MVB12B: variants seen among roughly 807,000 people sequenced by gnomAD.
The protein encoded by MVB12B is multivesicular body subunit 12B.
In MVB12B, 16 loss-of-function variants were observed where a neutral mutation model predicts 41.6. The observed-to-expected ratio is 0.38, with a 90% CI of 0.26 to 0.58. The LOEUF is 0.58. Among genes scored for constraint, MVB12B ranks in the 20% least tolerant of loss-of-function variants. MVB12B has a pLI of 0.62. For missense variants in MVB12B, 274 were observed against 380.2 expected, an observed-to-expected ratio of 0.72 and a Z score of 2.32; for synonymous variants, 133 against 139.7, an observed-to-expected ratio of 0.95 and a Z score of 0.34.
rs200403025 is a variant in MVB12B, at chr9:126,418,564, G to A, written c.663-3290G>A. 1.1e-4 allele frequency among the ~76,000 whole-genome samples: 16 copies of A among 152,184 alleles called. No homozygotes were observed. In the East Asian group the frequency reaches 2.7e-3, roughly 26 times the overall value. ...TTTATTTCCTCACTCTCCCACAGAC[G>A]GGCAAGCTTTTGAAATTGTAAATTG... On this transcript the variant is annotated intron_variant, in intron 6 of 9. Coordinates refer to ENST00000361171, the MANE Select transcript of MVB12B (RefSeq NM_033446.3).
intron 7 of MVB12B, chr9:126,426,848 A>C (rs755412075): frequency 6.6e-6 from 1 of 152,486 alleles, no homozygotes; most frequent in Non-Finnish European, 1.5e-5. Flanking sequence ...CTATTCTCTT[A>C]AGCCCGAAGA....
rs1158805714 is a variant in MVB12B at position 126,386,635 on chromosome 9, C to G, written c.386C>G (p.Pro129Arg). The G allele has an allele frequency of 5.0e-6, 8 of 1,613,574 alleles. No homozygotes were observed. In the Admixed American group the frequency reaches 6.7e-5, roughly 13 times the overall value. The part of the protein sequence containing the change: ...IKDTLPVGFI[P>R]IQETVDTQEV... ...GACACACTGCCTGTGGGCTTCATCC[C>G]AATTCAGGAGACGGTGGACACACGT... The change falls in exon 4 of 10, where the codon CCA (proline) becomes CGA (arginine). Residue 129 changes from proline to arginine, a missense_variant. By Grantham distance (103) the Pro-to-Arg change is moderately radical. Transcript: ENST00000361171. The surrounding 1 kb of genome is among the most constrained non-coding windows in gnomAD (Gnocchi z 4.3).
chr9:126,360,899 G>T (rs1830013025), intron 2 of MVB12B, among the ~76,000 whole-genome samples: 2 of 152,096 alleles, frequency 1.3e-5, no homozygotes, highest in South Asian at 4.2e-4. Context: ...AGCCACTACA[G>T]CTTTCTTTTG....
At chr9:126,385,284 T>G (rs995640602) in intron 3 of MVB12B, among the ~76,000 whole-genome samples, 1 of 152,206 alleles carries the variant, frequency 6.6e-6, no homozygotes, top group Non-Finnish European at 1.5e-5. Context: ...AGTTTTGGTC[T>G]TCATGGTTCT....
At chr9:126,366,248 C>T (rs943868212) in intron 2 of MVB12B, among the ~76,000 whole-genome samples, 1 of 152,072 alleles carries the variant, frequency 6.6e-6, no homozygotes, top group Non-Finnish European at 1.5e-5. Context: ...CCACTCACCC[C>T]TCAATTCCTA....
intron 9 of MVB12B, among the ~76,000 whole-genome samples, chr9:126,488,884 C>T (rs887638785): frequency 6.6e-6 from 1 of 152,186 alleles, no homozygotes; most frequent in Non-Finnish European, 1.5e-5. Flanking sequence ...GACGGTCACC[C>T]TCCAACAAAC....
chr9:126,497,030 G>A (rs1017110053), intron 9 of MVB12B, among the ~76,000 whole-genome samples: 1 of 152,214 alleles, frequency 6.6e-6, no homozygotes, highest in South Asian at 2.1e-4. Context: ...ATGCGGACTA[G>A]TAGAGAGGAA....
In MVB12B at chr9:126,503,968, A is replaced by G. The variant is rs1588220102; in HGVS notation, c.*705A>G. 6.6e-6 allele frequency: 1 copy of G among 152,154 alleles called. No individual in the cohort carries two copies. The highest frequency in any genetic ancestry group is 1.5e-5 in the Non-Finnish European group (1 of 68,106). 9.4% of individuals were successfully genotyped at this position (152,154 alleles called of 1,614,324 possible). A position where few individuals can be genotyped will look rare whatever the true frequency, so the allele number is the denominator to read the frequency against. On this transcript the variant is annotated 3_prime_UTR_variant, in exon 10 of 10. Transcript: ENST00000361171. ...GTTGACGGCCCTGCTTGGATCCACC[A>G]CCAGGACGCTGTGCTCGGCCATGGC...
chr9:126,392,742 A>G lies in MVB12B; in HGVS notation c.539+547A>G, dbSNP rs2118999695. ...AGGTGACACTTGAGCAGAGACCTGA[A>G]TGTCAGGAAACCAGCCATGCACAGA... is the stretch of plus-strand genomic sequence containing the variant. On this transcript the variant is annotated intron_variant, in intron 5 of 9. Transcript: ENST00000361171. This position sits in a 1 kb window ranked among gnomAD's most constrained non-coding sequence, Gnocchi z 4.8. Among the ~76,000 whole-genome samples, 1 of 152,350 alleles carries G rather than the reference A, an allele frequency of 6.6e-6. No individual in the cohort carries two copies. The highest frequency in any genetic ancestry group is 3.4e-3 in the Middle Eastern group (1 of 294).
At chr9:126,398,035 C>A (rs1309873815) in intron 6 of MVB12B, among the ~76,000 whole-genome samples, 2 of 152,026 alleles carry the variant, frequency 1.3e-5, no homozygotes, top group African/African-American at 4.8e-5. Context: ...AGCCAGAGCC[C>A]CAGACATTAA....
chr9:126,474,215 G>A (rs893774308), intron 7 of MVB12B, among the ~76,000 whole-genome samples: 17 of 152,306 alleles, frequency 1.1e-4, no homozygotes, highest in African/African-American at 3.9e-4. Flanking sequence ...CCTCCATCCA[G>A]CTCCTCGAAC....
chr9:126,407,193 T>C (rs1288935660), intron 6 of MVB12B, among the ~76,000 whole-genome samples: 2 of 152,214 alleles, frequency 1.3e-5, no homozygotes, highest in African/African-American at 2.4e-5. Context: ...GTCTCACTTA[T>C]TGGTACAGCA....
Position 126,467,585 on chromosome 9 carries a change from CAGTAT to C in MVB12B, c.758-13782_758-13778del, listed in dbSNP as rs568853618. Among the ~76,000 whole-genome samples, 7 of 152,296 alleles carry C rather than the reference CAGTAT, an allele frequency of 4.6e-5. No homozygotes were observed. The East Asian group carries it at 1.2e-3, about 25-fold the overall frequency. The stretch of plus-strand genomic sequence containing the variant: ...GATTTTTATAACTCTGCCATTTCTC[CAGTAT>C]ATAAGGAAGAGGTTTCCCTTATCCT... On this transcript the variant is annotated intron_variant, in intron 7 of 9. Coordinates refer to ENST00000361171, the MANE Select transcript of MVB12B (RefSeq NM_033446.3).
In MVB12B at chr9:126,486,801, A is replaced by C. The variant is rs1316455249; in HGVS notation, c.873+2769A>C. Among the ~76,000 whole-genome samples the C allele has an allele frequency of 6.6e-6, 1 of 152,086 alleles. No individual in the cohort carries two copies. Among genetic ancestry groups the C allele is most frequent in the African/African-American group, 2.4e-5 (1 of 41,404 alleles). On this transcript the variant is annotated intron_variant, in intron 9 of 9. Coordinates refer to ENST00000361171, the MANE Select transcript of MVB12B (RefSeq NM_033446.3). The surrounding 1 kb of genome is among the most constrained non-coding windows in gnomAD (Gnocchi z 4.7). ...GTGGAGACCCAGTGTGTCGTGCTCC[A>C]AGTCCTCCCCACTGTGACGGAAAGT...
intron 2 of MVB12B, among the ~76,000 whole-genome samples, chr9:126,345,388 C>A (rs769018375): frequency 1.3e-5 from 2 of 152,360 alleles, no homozygotes; most frequent in Non-Finnish European, 2.9e-5. Context: ...GGCAAAGTAA[C>A]CCTGAAGTGA....
In MVB12B at chr9:126,503,229, G is replaced by A; in HGVS notation, c.926G>A (p.Ser309Asn). 6.4e-7 allele frequency: 1 copy of A among 1,550,552 alleles called. No individual in the cohort carries two copies. Among genetic ancestry groups the A allele is most frequent in the Non-Finnish European group, 8.7e-7 (1 of 1,146,966 alleles). ...EQSAAARLPPSPTRCQQIPQS is the reference protein window; with the variant it reads ...EQSAAARLPPNPTRCQQIPQS The stretch of plus-strand genomic sequence containing the variant: ...AGCGCAGCCGCCAGGCTCCCGCCCA[G>A]CCCCACCAGGTGTCAGCAGATCCCG... The change falls in exon 10 of 10, where the codon AGC becomes AAC. Residue 309 changes from serine to asparagine, a missense_variant. Transcript: ENST00000361171.
intron 1 of MVB12B, among the ~76,000 whole-genome samples, chr9:126,329,885 C>T (rs1008102830): frequency 1.3e-5 from 2 of 151,962 alleles, no homozygotes; most frequent in African/African-American, 4.8e-5. Context: ...TGGCTCTCAC[C>T]GAGGCCCACC....
At chr9:126,441,049 C>T (rs1832626425) in intron 7 of MVB12B, among the ~76,000 whole-genome samples, 1 of 152,226 alleles carries the variant, frequency 6.6e-6, no homozygotes. Flanking sequence ...TGGCTGTCAG[C>T]CCTTCTGTTC....
At chr9:126,497,151 C>G (rs915158541) in intron 9 of MVB12B, among the ~76,000 whole-genome samples, 3 of 152,112 alleles carry the variant, frequency 2.0e-5, no homozygotes, top group Admixed American at 6.5e-5. Flanking sequence ...GCTTCTGGAG[C>G]TCTTAGCTCC....
Sources: allele counts gnomAD v4.1 joint callset (sites outside exome capture counted in the v4.1 genomes callset), GRCh38; gene constraint gnomAD v4.1.1; non-coding constraint Gnocchi (gnomAD v3.1); transcripts MANE v1.5; gene names NCBI Gene and HGNC (gene_info 2026-07-23, HGNC 2026-07-21).